Variants in KCNN2 observed in about 807,000 individuals in gnomAD.
KCNN2 encodes the protein small conductance calcium-activated potassium channel protein 2.
A neutral mutation model predicts 55.5 loss-of-function variants in KCNN2; 24 were observed. The ratio of observed to expected loss-of-function variants is 0.43; its 90% CI spans 0.31 to 0.61. The LOEUF is 0.61. KCNN2 is among the 20% of genes least tolerant of loss of function. The probability of loss-of-function intolerance (pLI) is 0.08; values close to 1 mark genes in which losing one functional copy is unlikely to be tolerated. For synonymous variants in KCNN2, 431 were observed against 336.1 expected (o/e 1.28, Z -3.09); for missense variants, 754 against 853.6 (o/e 0.88, Z 1.45).
At position 114,496,092 on chromosome 5, in the gene KCNN2, C is replaced by A. The variant is rs573113551; in HGVS notation, c.2286C>A (p.His762Gln). Residue 762 changes from histidine (H) to glutamine (Q), a missense_variant, in exon 8 of 8, where the codon CAC becomes CAA. Around this residue, in one of 4 missense-constraint regions of KCNN2, gnomAD observed 164 missense variants for 156.6 expected, o/e 1.05. Transcript: ENST00000673685. ...CTCAGATGGAGAGCTACGACAAGCA[C>A]GTCACTTACAATGCTGAGCGGTCCC... ...IEAQMESYDK[H>Q]VTYNAERSRS... The A allele has an allele frequency of 1.2e-6, 2 of 1,613,916 alleles. No individual in the cohort carries two copies. Among genetic ancestry groups the A allele is most frequent in the African/African-American group, 2.7e-5 (2 of 74,888 alleles).
At chr5:114,495,236 G>A (rs575746943) in intron 7 of KCNN2, among the ~76,000 whole-genome samples, 6 of 152,136 alleles carry the variant, frequency 3.9e-5, no homozygotes, top group Non-Finnish European at 5.9e-5. Context: ...AAGGTAGACT[G>A]GTAACTTCAG....
chr5:114,275,006 C>G (rs529159387), intron 2 of KCNN2, among the ~76,000 whole-genome samples: 4 of 152,228 alleles, frequency 2.6e-5, no homozygotes, highest in African/African-American at 9.6e-5. Flanking sequence ...GAGATGTGTT[C>G]CACTGATACC....
intron 2 of KCNN2, among the ~76,000 whole-genome samples, chr5:114,280,733 G>T (rs1030321947): frequency 7.2e-5 from 11 of 152,088 alleles, no homozygotes; most frequent in African/African-American, 2.7e-4. Flanking sequence ...TATACAATCT[G>T]TTGCCCCTAA....
chr5:114,179,717 A>C (rs1753203960), intron 1 of KCNN2, among the ~76,000 whole-genome samples: 1 of 152,144 alleles, frequency 6.6e-6, no homozygotes, highest in Admixed American at 6.6e-5. Context: ...CAGCAACACT[A>C]GCCACCCATT....
intron 2 of KCNN2, among the ~76,000 whole-genome samples, chr5:114,234,202 C>G (rs887918312): frequency 9.9e-5 from 15 of 152,154 alleles, no homozygotes; most frequent in Non-Finnish European, 1.2e-4. Context: ...TATTTTCAGA[C>G]ATATCATTTA....
At chr5:114,220,879 T>G (rs75339159) in intron 1 of KCNN2, among the ~76,000 whole-genome samples, 5,528 of 146,678 alleles carry the variant, frequency 0.038, 301 homozygotes, top group African/African-American at 0.13. Context: ...GATCAGAAGA[T>G]AGGTCGAAAA....
chr5:114,088,077 A>G (rs1408519765), intron 1 of KCNN2, among the ~76,000 whole-genome samples: 1 of 151,990 alleles, frequency 6.6e-6, no homozygotes, highest in Non-Finnish European at 1.5e-5. Flanking sequence ...GGGTTCTCTC[A>G]GCTTTTATTT....
At chr5:114,156,278 A>T (rs1752633231) in intron 1 of KCNN2, among the ~76,000 whole-genome samples, 1 of 152,164 alleles carries the variant, frequency 6.6e-6, no homozygotes, top group Non-Finnish European at 1.5e-5. Flanking sequence ...TGTTTTGGTT[A>T]CTGTAGCCCT....
intron 3 of KCNN2, among the ~76,000 whole-genome samples, chr5:114,438,797 C>T (rs1403426084): frequency 6.6e-6 from 1 of 152,160 alleles, no homozygotes; most frequent in Non-Finnish European, 1.5e-5. Flanking sequence ...ATTTGCCTGT[C>T]TGAAAACTCC....
At chr5:114,081,662 A>C (rs1750822126) in intron 1 of KCNN2, among the ~76,000 whole-genome samples, 1 of 152,220 alleles carries the variant, frequency 6.6e-6, no homozygotes, top group Admixed American at 6.5e-5. Flanking sequence ...TAAGACCTAA[A>C]ACTCTTAGAA....
chr5:114,080,650 C>T (rs1256860684), intron 1 of KCNN2, among the ~76,000 whole-genome samples: 1 of 151,974 alleles, frequency 6.6e-6, no homozygotes, highest in Non-Finnish European at 1.5e-5. Flanking sequence ...ATGATAAAAA[C>T]ACTAAACATA....
chr5:114,486,710 C>G (rs1747557520), intron 5 of KCNN2: 24 of 1,285,802 alleles, frequency 1.9e-5, no homozygotes, highest in Non-Finnish European at 2.3e-5. Context: ...AAAGGAAGAT[C>G]ATGGAGACAA....
chr5:114,199,736 G>A lies in KCNN2; in HGVS notation c.-270-21744G>A, dbSNP rs193047551. 6.4e-3 allele frequency among the ~76,000 whole-genome samples: 967 copies of A among 152,124 alleles called. 16 individuals are homozygous for A. Among genetic ancestry groups the A allele is most frequent in the Non-Finnish European group, 5.0e-3 (339 of 67,958 alleles). ...AATCCCCCAGCATTTTCTTGTCTGG[G>A]AAGGACTTTATTTCTCCATTATTAT... On this transcript the variant is annotated intron_variant, in intron 1 of 10. Transcript: ENST00000512097.
chr5:114,477,999 G>T (rs562205934), intron 5 of KCNN2, among the ~76,000 whole-genome samples: 2 of 152,224 alleles, frequency 1.3e-5, no homozygotes, highest in African/African-American at 4.8e-5. Flanking sequence ...ACAGCCCAGG[G>T]GGTTAACACA....
chr5:114,386,038 CG>C (rs1758272551), intron 2 of KCNN2, among the ~76,000 whole-genome samples: 1 of 151,484 alleles, frequency 6.6e-6, no homozygotes, highest in South Asian at 2.1e-4. Flanking sequence ...AAAAATTAGC[CG>C]GGCATGGTGG....
chr5:114,296,773 A>T, intron 2 of KCNN2, among the ~76,000 whole-genome samples: 1 of 152,356 alleles, frequency 6.6e-6, no homozygotes, highest in Non-Finnish European at 1.5e-5. Flanking sequence ...GGAAAGAATA[A>T]GTAAATATTG....
chr5:114,320,569 G>T (rs1044970265), intron 2 of KCNN2, among the ~76,000 whole-genome samples: 16 of 151,348 alleles, frequency 1.1e-4, no homozygotes, highest in African/African-American at 3.6e-4. Context: ...AGCCGAGATC[G>T]CGCCACTGCA....
intron 1 of KCNN2, among the ~76,000 whole-genome samples, chr5:114,090,310 C>T (rs1438907317): frequency 6.6e-6 from 1 of 152,074 alleles, no homozygotes; most frequent in Non-Finnish European, 1.5e-5. Context: ...TCTTCTGTGG[C>T]ACACTCAAGA....
intron 2 of KCNN2, among the ~76,000 whole-genome samples, chr5:114,337,762 T>C (rs1162698233): frequency 6.6e-6 from 1 of 152,174 alleles, no homozygotes; most frequent in Non-Finnish European, 1.5e-5. Context: ...TTTACCCTTA[T>C]ATTGAATTTT....
Sources: gnomAD v4.1 joint callset for allele counts (sites outside exome capture counted in the v4.1 genomes callset) on GRCh38, gnomAD v4.1.1 for gene constraint, gnomAD v4.1.1 regional missense constraint, MANE v1.5 for transcripts, NCBI Gene and HGNC (gene_info 2026-07-23, HGNC 2026-07-21) for gene names.